The following COP1 variants were observed in gnomAD, a reference collection of about 807,000 sequenced individuals.
COP1 encodes the protein E3 ubiquitin-protein ligase COP1.
In COP1, 24 loss-of-function variants were observed where a neutral mutation model predicts 101.3. That is an observed-to-expected ratio of 0.24 (90% CI 0.17 to 0.33). COP1 has a LOEUF of 0.33. COP1 is among the 10% of genes least tolerant of loss of function. COP1 has a pLI of 1.00. For synonymous variants in COP1, 347 were observed against 341.9 expected (o/e 1.01, Z -0.17); for missense variants, 663 against 906.2 (o/e 0.73, Z 3.45).
intron 10 of COP1, among the ~76,000 whole-genome samples, chr1:176,085,361 T>C (rs1372097201): frequency 6.6e-6 from 1 of 152,158 alleles, no homozygotes; most frequent in African/African-American, 2.4e-5. Flanking sequence ...ACTGTTTATC[T>C]GTTGCTTTCC....
rs545485502 is a variant in COP1, at chr1:176,048,941, G to A, written c.1278-2617C>T. On this transcript the variant is annotated intron_variant, in intron 11 of 19. Coordinates refer to ENST00000367669, the MANE Select transcript of COP1 (RefSeq NM_022457.7). ...TAATCCCAGCACTTTGGGAGGCCGA[G>A]GCGGGTGGATCATGAGGTCAGGAGA... is the stretch of plus-strand genomic sequence containing the variant. Among the ~76,000 whole-genome samples the A allele has an allele frequency of 9.3e-5, 14 of 151,336 alleles. No homozygotes were observed. The East Asian group carries it at 2.7e-3, about 29-fold the overall frequency.
rs191991750 is a variant in COP1 at position 175,964,911 on chromosome 1, A to G, written c.2134-17672T>C. Among the ~76,000 whole-genome samples, 1,012 of 152,270 alleles carry G rather than the reference A, an allele frequency of 6.6e-3. 9 individuals carry two copies. Among genetic ancestry groups the G allele is most frequent in the African/African-American group, 0.023 (960 of 41,562 alleles). ...TCTCTCCATAAGAGCCTCTTGTCTTATTTGGACAAAGGCATTCTCTTTATG... is the reference window on the plus strand; with the variant it reads ...TCTCTCCATAAGAGCCTCTTGTCTTGTTTGGACAAAGGCATTCTCTTTATG... On this transcript the variant is annotated intron_variant, in intron 18 of 19. Transcript: ENST00000367669.
chr1:176,140,013 A>G (rs2149767179), intron 6 of COP1, among the ~76,000 whole-genome samples: 1 of 152,318 alleles, frequency 6.6e-6, no homozygotes, highest in Non-Finnish European at 1.5e-5. Flanking sequence ...GACAGCCAAT[A>G]TTACTTGTAT....
intron 3 of COP1, among the ~76,000 whole-genome samples, chr1:176,166,585 C>T (rs1695190151): frequency 6.6e-6 from 1 of 152,170 alleles, no homozygotes; most frequent in Non-Finnish European, 1.5e-5. Context: ...TTTTTTACTA[C>T]TGTATCAGAT....
chr1:175,953,605 A>C (rs1650229356), intron 18 of COP1, among the ~76,000 whole-genome samples: 1 of 152,084 alleles, frequency 6.6e-6, no homozygotes, highest in Non-Finnish European at 1.5e-5. Context: ...AAAATAAAAA[A>C]AGGAAACACT....
chr1:176,125,674 G>A (rs1687878378), intron 8 of COP1, among the ~76,000 whole-genome samples: 1 of 151,994 alleles, frequency 6.6e-6, no homozygotes, highest in Non-Finnish European at 1.5e-5. Flanking sequence ...CTCTACTTTT[G>A]TTCTTTTTGC....
At chr1:176,043,540 A>G (rs984170644) in intron 13 of COP1, among the ~76,000 whole-genome samples, 170 bp downstream of exon 13, 6 of 152,230 alleles carry the variant, frequency 3.9e-5, no homozygotes, top group Non-Finnish European at 7.3e-5. Context: ...TATGGTACCA[A>G]AAGTGGGAGA....
chr1:176,151,952 AT>A (rs34038117), intron 5 of COP1, among the ~76,000 whole-genome samples: 15,854 of 140,070 alleles, frequency 0.11, 898 homozygotes, highest in Middle Eastern at 0.18. Flanking sequence ...TTTTGAGGGC[AT>A]TTTTTTTTTT....
At chr1:176,179,765 T>C (rs1697487104) in intron 2 of COP1, among the ~76,000 whole-genome samples, 1 of 151,710 alleles carries the variant, frequency 6.6e-6, no homozygotes, top group African/African-American at 2.4e-5. Flanking sequence ...TTTGTCAATA[T>C]ACAAGAAATT....
At chr1:176,055,283 A>G (rs1673258051) in intron 11 of COP1, among the ~76,000 whole-genome samples, 1 of 152,164 alleles carries the variant, frequency 6.6e-6, no homozygotes, top group Non-Finnish European at 1.5e-5. Context: ...AAAATACAAA[A>G]AATTAGCTGT....
At chr1:176,129,973 T>G (rs1454256989) in intron 8 of COP1, among the ~76,000 whole-genome samples, 1 of 151,764 alleles carries the variant, frequency 6.6e-6, no homozygotes, top group Non-Finnish European at 1.5e-5. Flanking sequence ...GGCTTAATAA[T>G]AAGTTATTTA....
chr1:176,120,503 A>G (rs1196134157), intron 8 of COP1, among the ~76,000 whole-genome samples: 1 of 152,110 alleles, frequency 6.6e-6, no homozygotes, highest in African/African-American at 2.4e-5. Flanking sequence ...AGTAACTAAA[A>G]CTGATACAGG....
chr1:176,030,881 C>T (rs896397490), intron 14 of COP1, among the ~76,000 whole-genome samples: 1 of 152,046 alleles, frequency 6.6e-6, no homozygotes, highest in Non-Finnish European at 1.5e-5. Context: ...GTTAAAATTA[C>T]GTCAGACTAG....
intron 18 of COP1, among the ~76,000 whole-genome samples, chr1:175,963,467 T>C (rs1403189789): frequency 6.6e-6 from 1 of 152,166 alleles, no homozygotes; most frequent in Non-Finnish European, 1.5e-5. Context: ...CAGCCCGACC[T>C]GGGTTCTAAT....
chr1:175,969,669 A>C (rs912380381), intron 18 of COP1, among the ~76,000 whole-genome samples: 4 of 152,180 alleles, frequency 2.6e-5, no homozygotes, highest in African/African-American at 7.2e-5. Flanking sequence ...TGTGTCACGT[A>C]AAACTTCTAT....
intron 18 of COP1, among the ~76,000 whole-genome samples, chr1:175,954,869 T>C (rs1175729053): frequency 6.6e-6 from 1 of 152,060 alleles, no homozygotes. Flanking sequence ...ACAAAAAGAA[T>C]AATGCATCAT....
chr1:176,174,125 T>G (rs987835915), intron 3 of COP1, among the ~76,000 whole-genome samples: 19 of 151,442 alleles, frequency 1.3e-4, no homozygotes, highest in African/African-American at 4.4e-4. Flanking sequence ...AAAACAGAAT[T>G]TCAAACTTGT....
intron 1 of COP1, among the ~76,000 whole-genome samples, chr1:176,187,469 A>C (rs1214558535): frequency 6.6e-6 from 1 of 151,790 alleles, no homozygotes; most frequent in Admixed American, 6.6e-5. Context: ...GGCTGTTCTC[A>C]AACTCCTGGG....
intron 15 of COP1, among the ~76,000 whole-genome samples, chr1:175,995,513 GAAGAA>G (rs1202504762): frequency 1.3e-5 from 2 of 152,034 alleles, no homozygotes; most frequent in Middle Eastern, 3.2e-3. Context: ...GACTAATAAA[GAAGAA>G]AAGAGAGAAG....
Sources: gnomAD v4.1 joint callset for allele counts (sites outside exome capture counted in the v4.1 genomes callset) on GRCh38, gnomAD v4.1.1 for gene constraint, MANE v1.5 for transcripts, NCBI Gene and HGNC (gene_info 2026-07-23, HGNC 2026-07-21) for gene names.